ZFR: variants seen among roughly 807,000 people sequenced by gnomAD.
ZFR encodes zinc finger RNA binding protein.
A neutral mutation model predicts 130.7 loss-of-function variants in ZFR; 19 were observed. The ratio of observed to expected loss-of-function variants is 0.15; its 90% CI spans 0.10 to 0.21. ZFR has a LOEUF of 0.21. Ranked by LOEUF, ZFR falls within the 10% of genes least tolerant of loss-of-function variation. ZFR has a pLI of 1.00. For missense variants in ZFR, 872 were observed against 1,321.5 expected (o/e 0.66, Z 5.27); for synonymous variants, 466 against 456.9 (o/e 1.02, Z -0.25).
At position 32,400,088 on chromosome 5, in the gene ZFR, T is replaced by A; in HGVS notation, c.1632A>T (p.Thr544=). The A allele has an allele frequency of 6.2e-7, 1 of 1,613,722 alleles. No homozygotes were observed. Among genetic ancestry groups the A allele is most frequent in the Non-Finnish European group, 8.5e-7 (1 of 1,179,720 alleles). ...AVQIPEVKQD[T]VSEPVTPASL... is the part of the protein sequence containing the mutation. ...ATGCAGGTGTGACTGGTTCTGACAC[T>A]GTGTCTTGCTTTACTTCAGGAATCT... is the stretch of plus-strand genomic sequence containing the variant. Residue 544 remains threonine, a synonymous_variant, in exon 9 of 20, where the codon ACA becomes ACT. Transcript: ENST00000265069.
chr5:32,409,220 G>C (rs965441993), intron 5 of ZFR, among the ~76,000 whole-genome samples: 1 of 152,190 alleles, frequency 6.6e-6, no homozygotes, highest in Admixed American at 6.6e-5. Context: ...CAAATTTCCA[G>C]AGATCTTAGT....
chr5:32,376,088 C>G (rs1411898695), intron 17 of ZFR, among the ~76,000 whole-genome samples: 1 of 150,214 alleles, frequency 6.7e-6, no homozygotes, highest in East Asian at 2.0e-4. Flanking sequence ...GTGATCCACC[C>G]GCCTCGGCCT....
intron 11 of ZFR, among the ~76,000 whole-genome samples, chr5:32,391,375 G>A (rs1177773461): frequency 6.6e-6 from 1 of 152,110 alleles, no homozygotes; most frequent in Non-Finnish European, 1.5e-5. Context: ...GTGTTGCTGA[G>A]GTCATCAGGA....
At chr5:32,409,365 T>C (rs940579466) in intron 5 of ZFR, among the ~76,000 whole-genome samples, 1 of 152,178 alleles carries the variant, frequency 6.6e-6, no homozygotes, top group Non-Finnish European at 1.5e-5. Flanking sequence ...GTAAGTGCTA[T>C]ATAAATGGTT....
rs1753069860 is a variant in ZFR at position 32,387,627 on chromosome 5, G to A, written c.2421C>T (p.Asn807=). Residue 807 remains asparagine (N), a synonymous_variant, in exon 14 of 20, where the codon AAC becomes AAT. Transcript: ENST00000265069. The part of the protein sequence containing the change: ...GLLLRGDRNV[N]LVLLCSEKPS... ...GTTTCTCTGAGCACAGCAAAACAAG[G>A]TTGACATTTCTATCTCCTCGGAGAA... 1.5e-5 allele frequency: 25 copies of A among 1,613,490 alleles called. No individual in the cohort carries two copies. Among genetic ancestry groups the A allele is most frequent in the Non-Finnish European group, 2.1e-5 (25 of 1,179,626 alleles).
intron 4 of ZFR, among the ~76,000 whole-genome samples, chr5:32,415,485 A>AGTGTGTGTGTGTGTGTGT (rs3065262): frequency 1.3e-4 from 18 of 136,312 alleles, no homozygotes; most frequent in African/African-American, 2.8e-4. Context: ...TCTGAAAAGG[A>AGTGTGTGTGTGTGTGTGT]GTGTGTGTGT....
chr5:32,377,000 C>A (rs1171515282), intron 17 of ZFR, among the ~76,000 whole-genome samples: 1 of 135,342 alleles, frequency 7.4e-6, no homozygotes, highest in Non-Finnish European at 1.6e-5. Context: ...ACTAAAAATA[C>A]AAAAAATTTA....
chr5:32,431,272 G>C (rs1183388391), intron 2 of ZFR, among the ~76,000 whole-genome samples: 2 of 152,024 alleles, frequency 1.3e-5, no homozygotes, highest in Non-Finnish European at 2.9e-5. Context: ...ATTGGTCACG[G>C]GGTTAAAAAA....
intron 12 of ZFR, among the ~76,000 whole-genome samples, chr5:32,389,714 T>C (rs1442177966): frequency 1.3e-5 from 2 of 152,210 alleles, no homozygotes; most frequent in African/African-American, 4.8e-5. Flanking sequence ...AAAGAACAGT[T>C]GGCATAAAAA....
rs537438571 is a variant in ZFR, at chr5:32,444,409, A to T, written c.38-81T>A. The T allele has an allele frequency of 5.9e-5, 86 of 1,455,836 alleles. No individual in the cohort carries two copies. In the African/African-American group the frequency reaches 1.2e-3, roughly 21 times the overall value. 90.2% of individuals were successfully genotyped at this position (1,455,836 alleles called of 1,614,324 possible). On this transcript the variant is annotated intron_variant, in intron 1 of 19. Coordinates refer to ENST00000265069, the MANE Select transcript of ZFR (RefSeq NM_016107.5). ...CGAGACGCCGAGGGAGGGCAGGGAG[A>T]GAAAGAGAGAGGCGCCGTGAGAGCA...
chr5:32,377,921 A>C (rs980129097), intron 17 of ZFR, among the ~76,000 whole-genome samples: 5 of 150,892 alleles, frequency 3.3e-5, no homozygotes, highest in Non-Finnish European at 7.4e-5. Flanking sequence ...CGAACTCCTG[A>C]CCTCAGTGAT....
intron 17 of ZFR, among the ~76,000 whole-genome samples, chr5:32,377,168 A>AT (rs1288894847): frequency 8.5e-5 from 12 of 141,162 alleles, no homozygotes; most frequent in Admixed American, 2.1e-4. Context: ...AAAAAAAAAA[A>AT]AAAAAAAAAA....
At chr5:32,405,569 A>C (rs1753562834) in intron 6 of ZFR, among the ~76,000 whole-genome samples, 1 of 152,350 alleles carries the variant, frequency 6.6e-6, no homozygotes, top group South Asian at 2.1e-4. Context: ...CTTTCATATA[A>C]GCCAGGTAAT....
At position 32,444,243 on chromosome 5, in the gene ZFR, A is replaced by AGCCGCCGCC. The variant is rs772338532; in HGVS notation, c.114_122dup (p.Ala41_Ala43dup). 6.3e-7 allele frequency: 1 copy of AGCCGCCGCC among 1,582,944 alleles called. No individual in the cohort carries two copies. The highest frequency in any genetic ancestry group is 1.8e-5 in the Admixed American group (1 of 54,950). On this transcript the variant is annotated inframe_insertion, in exon 2 of 20. Transcript: ENST00000265069. ...GATGCCGTTACCTATATTGGGCCGC[A>AGCCGCCGCC]GCCGCCGCCGCCGCCGCCCCGCTGT... is the stretch of plus-strand genomic sequence containing the variant.
At chr5:32,361,807 G>C (rs1752440919) in intron 19 of ZFR, among the ~76,000 whole-genome samples, 1 of 151,892 alleles carries the variant, frequency 6.6e-6, no homozygotes, top group African/African-American at 2.4e-5. Context: ...ATTTTTAGTA[G>C]ACACAGGGTT....
At position 32,387,750 on chromosome 5, in the gene ZFR, A is replaced by T. The variant is rs74977960; in HGVS notation, c.2349-51T>A. 2,040 of 1,534,750 alleles carry T rather than the reference A, an allele frequency of 1.3e-3. 35 individuals carry two copies. In the East Asian group the frequency reaches 0.037, roughly 28 times the overall value. ...GATATTTCTCTGCTTAACCAGAAGCATGATATTCTGTAAACATACAATAGT... is the reference window on the plus strand; with the variant it reads ...GATATTTCTCTGCTTAACCAGAAGCTTGATATTCTGTAAACATACAATAGT... On this transcript the variant is annotated intron_variant, in intron 13 of 19. Coordinates refer to ENST00000265069, the MANE Select transcript of ZFR (RefSeq NM_016107.5).
chr5:32,417,604 C>T, intron 4 of ZFR, 44 bp downstream of exon 4: 1 of 1,603,994 alleles, frequency 6.2e-7, no homozygotes, highest in Non-Finnish European at 8.5e-7. Flanking sequence ...AAGTCATATA[C>T]TTCAATAGTT....
chr5:32,401,829 T>C (rs757735760), intron 8 of ZFR, among the ~76,000 whole-genome samples: 2 of 152,124 alleles, frequency 1.3e-5, no homozygotes, highest in Admixed American at 6.5e-5. Context: ...AAAAGGGCAA[T>C]GGCAACGAAG....
chr5:32,382,820 A>T (rs886212410), intron 15 of ZFR, among the ~76,000 whole-genome samples: 1 of 152,136 alleles, frequency 6.6e-6, no homozygotes, highest in Non-Finnish European at 1.5e-5. Flanking sequence ...TAAGTAGAAA[A>T]TTTTTGTTAA....
Sources: gnomAD v4.1 joint callset for allele counts (sites outside exome capture counted in the v4.1 genomes callset) on GRCh38, gnomAD v4.1.1 for gene constraint, MANE v1.5 for transcripts, NCBI Gene and HGNC (gene_info 2026-07-23, HGNC 2026-07-21) for gene names.